Variants in RGS18 observed in about 807,000 individuals in gnomAD.
The protein encoded by RGS18 is regulator of G-protein signaling 18.
A neutral mutation model predicts 27.6 loss-of-function variants in RGS18; 22 were observed. The observed-to-expected ratio is 0.80, with a 90% confidence interval of 0.57 to 1.14. The LOEUF (loss-of-function observed/expected upper bound fraction) is 1.14, where lower values mean the gene tolerates loss of function less well. Ranked by LOEUF, RGS18 falls within the 50% of genes most tolerant of loss-of-function variation. The pLI is 0.00. For missense variants in RGS18, 299 were observed against 269.6 expected, an observed-to-expected ratio of 1.11 and a Z score of -0.76; for synonymous variants, 89 against 84.6, an observed-to-expected ratio of 1.05 and a Z score of -0.29.
At chr1:192,159,655 T>G (rs568797472) in intron 2 of RGS18, among the ~76,000 whole-genome samples, 2 of 152,162 alleles carry the variant, frequency 1.3e-5, no homozygotes, top group African/African-American at 4.8e-5. Flanking sequence ...CAGAGAGATA[T>G]TCATCTCTTT....
chr1:192,179,290 G>C (rs1318831643), intron 3 of RGS18, among the ~76,000 whole-genome samples: 1 of 151,536 alleles, frequency 6.6e-6, no homozygotes, highest in Non-Finnish European at 1.5e-5. Flanking sequence ...TAGAGAGTGA[G>C]AGTGAATCTA....
chr1:192,183,315 G>T (rs1297582525), intron 4 of RGS18, among the ~76,000 whole-genome samples: 3 of 151,578 alleles, frequency 2.0e-5, no homozygotes, highest in Admixed American at 6.6e-5. Flanking sequence ...TCATACTACA[G>T]CATATGTTTG....
chr1:192,172,882 T>TATATATATATATATATATATATATAA (rs1407068832), intron 3 of RGS18, among the ~76,000 whole-genome samples: 7 of 104,854 alleles, frequency 6.7e-5, no homozygotes, highest in African/African-American at 1.7e-4. Context: ...TATATATATA[T>TATATATATATATATATATATATATAA]AAATATATAT....
At chr1:192,178,610 T>C (rs532017525) in intron 3 of RGS18, among the ~76,000 whole-genome samples, 1 of 151,716 alleles carries the variant, frequency 6.6e-6, no homozygotes, top group Non-Finnish European at 1.5e-5. Context: ...TCACTAACTA[T>C]AACATTAAGT....
At chr1:192,164,362 G>A (rs1363358526) in intron 3 of RGS18, among the ~76,000 whole-genome samples, 1 of 152,082 alleles carries the variant, frequency 6.6e-6, no homozygotes, top group African/African-American at 2.4e-5. Flanking sequence ...TGGTGGCTTA[G>A]GGTGACAGAC....
chr1:192,182,437 G>C (rs1656473686), intron 4 of RGS18, among the ~76,000 whole-genome samples: 1 of 151,430 alleles, frequency 6.6e-6, no homozygotes, highest in Non-Finnish European at 1.5e-5. Context: ...ATCCCTGATG[G>C]GTAATGATGT....
intron 3 of RGS18, among the ~76,000 whole-genome samples, chr1:192,166,647 T>A (rs566830351): frequency 2.2e-4 from 33 of 151,970 alleles, no homozygotes; most frequent in Non-Finnish European, 3.8e-4. Flanking sequence ...AGTGAGAAGA[T>A]GAAGGAATAG....
At chr1:192,160,618 A>G (rs1156487038) in intron 3 of RGS18, 179 bp downstream of exon 3, 10 of 508,344 alleles carry the variant, frequency 2.0e-5, no homozygotes, top group Non-Finnish European at 3.2e-5. Flanking sequence ...AATTTTTTTA[A>G]AAGTTCTCAT....
intron 3 of RGS18, chr1:192,160,704 C>T (rs965206572): frequency 3.0e-5 from 11 of 370,278 alleles, no homozygotes; most frequent in Admixed American, 8.9e-5. Flanking sequence ...TAAATTTTTC[C>T]GATTTTTGAA....
intron 3 of RGS18, among the ~76,000 whole-genome samples, chr1:192,172,464 T>G (rs768669832): frequency 6.6e-6 from 1 of 151,952 alleles, no homozygotes; most frequent in Non-Finnish European, 1.5e-5. Flanking sequence ...CCAGCAGGCT[T>G]CTTATACCAC....
At position 192,158,475 on chromosome 1, in the gene RGS18, TG is replaced by T. The variant is rs1355233362; in HGVS notation, c.-162del. ...CTTCATTTCCTCAGTTCTGCATTTC[TG>T]CAGAGACAGAAAGAAACGCAGCTCT... On this transcript the variant is annotated 5_prime_UTR_variant, in exon 1 of 5. Coordinates refer to ENST00000367460, the MANE Select transcript of RGS18 (RefSeq NM_130782.3). 1.1e-5 allele frequency: 6 copies of T among 553,748 alleles called. No individual in the cohort carries two copies. In the East Asian group the frequency reaches 1.3e-4, roughly 12 times the overall value. The allele number at this position is 553,748 out of a possible 1,614,324, so 34.3% of individuals were successfully genotyped here. A position where few individuals can be genotyped will look rare whatever the true frequency, so the allele number is the denominator to read the frequency against.
rs779052527 is a variant in RGS18, at chr1:192,159,203, A to C, written c.120-17A>C. The C allele has an allele frequency of 1.3e-6, 2 of 1,551,288 alleles. No homozygotes were observed. The highest frequency in any genetic ancestry group is 3.4e-5 in the Admixed American group (2 of 59,132). ...TGTCATCTAAATTGTCCTGACATGA[A>C]GGCCTTTTTATTACAGAGCTAAGGA... On this transcript the variant is annotated splice_polypyrimidine_tract_variant and intron_variant, in intron 1 of 4. Coordinates refer to ENST00000367460, the MANE Select transcript of RGS18 (RefSeq NM_130782.3).
chr1:192,158,825 C>T (rs752069932), intron 1 of RGS18, 69 bp downstream of exon 1: 111 of 1,088,602 alleles, frequency 1.0e-4, no homozygotes, highest in Non-Finnish European at 1.4e-4. Flanking sequence ...GATTCATTAC[C>T]TCTTGTTTTT....
At chr1:192,159,375 A>T in intron 2 of RGS18, 54 bp downstream of exon 2, 4 of 1,217,470 alleles carry the variant, frequency 3.3e-6, no homozygotes, top group Admixed American at 1.8e-5. Flanking sequence ...ATCATTAAAG[A>T]TTTAAGAAAA....
chr1:192,167,994 A>G (rs967133701), intron 3 of RGS18: 2 of 152,166 alleles, frequency 1.3e-5, no homozygotes, highest in African/African-American at 4.8e-5. Flanking sequence ...CAGAGTTTCA[A>G]TTTAGAAACA....
intron 3 of RGS18, among the ~76,000 whole-genome samples, chr1:192,166,583 GAA>G (rs930176730): frequency 6.8e-6 from 1 of 146,930 alleles, no homozygotes; most frequent in South Asian, 2.1e-4. Context: ...GACCCGCTTA[GAA>G]AAAAAAAATG....
intron 2 of RGS18, among the ~76,000 whole-genome samples, chr1:192,159,745 T>A (rs1023005089): frequency 2.0e-5 from 3 of 152,186 alleles, no homozygotes; most frequent in African/African-American, 7.2e-5. Flanking sequence ...ATTTATTTAA[T>A]TCAAAAAGAA....
At chr1:192,164,998 T>C (rs531762987) in intron 3 of RGS18, among the ~76,000 whole-genome samples, 1 of 152,300 alleles carries the variant, frequency 6.6e-6, no homozygotes, top group East Asian at 1.9e-4. Context: ...CCATTAGGTC[T>C]GACTGCCTGG....
intron 3 of RGS18, among the ~76,000 whole-genome samples, chr1:192,177,791 G>A (rs1300914101): frequency 2.0e-5 from 3 of 151,700 alleles, no homozygotes; most frequent in Non-Finnish European, 4.4e-5. Flanking sequence ...CAGGAACATG[G>A]CACACGAATG....
Sources: allele counts gnomAD v4.1 joint callset (sites outside exome capture counted in the v4.1 genomes callset), GRCh38; gene constraint gnomAD v4.1.1; transcripts MANE v1.5; gene names NCBI Gene and HGNC (gene_info 2026-07-23, HGNC 2026-07-21).